GMDS: variants seen among roughly 807,000 people sequenced by gnomAD.
The protein encoded by GMDS is GDP-mannose 4,6 dehydratase.
Under a neutral mutation model 49.9 loss-of-function variants are expected in GMDS, and 20 were observed. The ratio of observed to expected loss-of-function variants is 0.40; its 90% CI spans 0.28 to 0.58. The LOEUF (loss-of-function observed/expected upper bound fraction) is 0.58, where lower values mean the gene tolerates loss of function less well. Among genes scored for constraint, GMDS ranks in the 20% least tolerant of loss-of-function variants. The pLI is 0.42. For synonymous variants in GMDS, 177 were observed against 178.6 expected, an observed-to-expected ratio of 0.99 and a Z score of 0.07; for missense variants, 362 against 481.4, an observed-to-expected ratio of 0.75 and a Z score of 2.32.
intron 6 of GMDS, among the ~76,000 whole-genome samples, chr6:1,949,864 C>T (rs79536868): frequency 0.022 from 3,415 of 152,250 alleles, 128 homozygotes; most frequent in African/African-American, 0.077. Flanking sequence ...ACTTCATCCC[C>T]TGATTTCACA....
intron 1 of GMDS, among the ~76,000 whole-genome samples, chr6:2,221,399 G>C (rs1343253879): frequency 7.2e-6 from 1 of 138,904 alleles, no homozygotes; most frequent in Non-Finnish European, 1.6e-5. Context: ...TTTTTTTTTT[G>C]AGACGGAGTC....
intron 7 of GMDS, among the ~76,000 whole-genome samples, chr6:1,758,216 C>T (rs763552011): frequency 6.6e-6 from 1 of 152,230 alleles, no homozygotes; most frequent in Non-Finnish European, 1.5e-5. Flanking sequence ...TCATTTTCTC[C>T]ACAGCACGGC....
rs538653324 is a variant in GMDS, at chr6:1,640,286, G to A, written c.988-15746C>T. 2.6e-5 allele frequency among the ~76,000 whole-genome samples: 4 copies of A among 152,280 alleles called. No homozygotes were observed. Among genetic ancestry groups the A allele is most frequent in the East Asian group, 1.9e-4 (1 of 5,178 alleles). ...CCTCTTCTTCACTGAAACTGTGCCCGTGGAGAAGCACATGGGATTTAGGGT... is the reference window on the plus strand; with the variant it reads ...CCTCTTCTTCACTGAAACTGTGCCCATGGAGAAGCACATGGGATTTAGGGT... On this transcript the variant is annotated intron_variant, in intron 9 of 10. Transcript: ENST00000380815. The surrounding 1 kb of genome is among the most constrained non-coding windows in gnomAD (Gnocchi z 4.0).
intron 7 of GMDS, among the ~76,000 whole-genome samples, chr6:1,791,879 G>C (rs1445429221): frequency 6.6e-6 from 1 of 152,052 alleles, no homozygotes; most frequent in African/African-American, 2.4e-5. Flanking sequence ...ATATTGATGA[G>C]ACTGATAATA....
rs1180795953 is a variant in GMDS, at chr6:1,623,993, G to A, written c.*176C>T. On this transcript the variant is annotated 3_prime_UTR_variant, in exon 11 of 11. Transcript: ENST00000380815. ...CCCAAACCCTGGAGGGTCACATCCC[G>A]GCTGCTACAAACCTCGGCGGGGCGG... 6.9e-6 allele frequency: 4 copies of A among 582,456 alleles called. 1 individual carries two copies. The highest frequency in any genetic ancestry group is 5.7e-5 in the East Asian group (2 of 34,816). The allele number at this position is 582,456 out of a possible 1,614,324, so 36.1% of individuals were successfully genotyped here.
intron 4 of GMDS, among the ~76,000 whole-genome samples, chr6:2,005,510 G>A (rs1314595777): frequency 6.6e-6 from 1 of 152,162 alleles, no homozygotes; most frequent in Admixed American, 6.5e-5. Flanking sequence ...AACAGTTTTC[G>A]TTTCTGCTGG....
intron 7 of GMDS, among the ~76,000 whole-genome samples, chr6:1,784,398 A>AAAAAG (rs1197174218): frequency 6.7e-6 from 1 of 150,148 alleles, no homozygotes; most frequent in East Asian, 2.0e-4. Flanking sequence ...CTCAAAAAAA[A>AAAAAG]AAAAAAAAAA....
intron 2 of GMDS, among the ~76,000 whole-genome samples, chr6:2,117,847 T>TACA (rs1774931503): frequency 6.6e-6 from 1 of 152,154 alleles, no homozygotes; most frequent in African/African-American, 2.4e-5. Context: ...CACACACACT[T>TACA]ACAGCCTAAC....
intron 7 of GMDS, among the ~76,000 whole-genome samples, chr6:1,913,800 A>G (rs982113079): frequency 2.6e-5 from 4 of 152,166 alleles, no homozygotes; most frequent in Admixed American, 1.3e-4. Flanking sequence ...TGCTGAGGGA[A>G]GCACTTTTTT....
intron 1 of GMDS, among the ~76,000 whole-genome samples, chr6:2,244,303 C>T (rs995380875): frequency 6.6e-6 from 1 of 152,066 alleles, no homozygotes; most frequent in Non-Finnish European, 1.5e-5. Context: ...AATAAAAGTA[C>T]CTCCTCAAAG....
intron 7 of GMDS, among the ~76,000 whole-genome samples, chr6:1,785,543 C>T (rs1442724944): frequency 6.6e-6 from 1 of 152,202 alleles, no homozygotes; most frequent in East Asian, 1.9e-4. Flanking sequence ...TTCTACGCAG[C>T]CCTCGCCACG....
chr6:1,669,487 T>C (rs1438516852), intron 9 of GMDS, among the ~76,000 whole-genome samples: 2 of 152,212 alleles, frequency 1.3e-5, no homozygotes, highest in African/African-American at 4.8e-5. Context: ...GACACCTTCC[T>C]ATGTCATGTA....
chr6:1,630,148 T>C (rs1385925595), intron 9 of GMDS, among the ~76,000 whole-genome samples: 1 of 152,234 alleles, frequency 6.6e-6, no homozygotes, highest in African/African-American at 2.4e-5. Context: ...GCTCATAAGC[T>C]ACACAGACAA....
chr6:2,170,596 C>T (rs1777948182), intron 1 of GMDS, among the ~76,000 whole-genome samples: 2 of 151,686 alleles, frequency 1.3e-5, no homozygotes, highest in East Asian at 3.9e-4. Context: ...CACTGCATTC[C>T]AGCCTGGGTG....
intron 1 of GMDS, among the ~76,000 whole-genome samples, chr6:2,204,909 T>C (rs996463075): frequency 3.3e-5 from 5 of 152,354 alleles, no homozygotes; most frequent in African/African-American, 9.6e-5. Context: ...TCCTACATAA[T>C]TACCATAATG....
chr6:1,916,280 A>C (rs1761390236), intron 7 of GMDS, among the ~76,000 whole-genome samples: 1 of 152,116 alleles, frequency 6.6e-6, no homozygotes, highest in African/African-American at 2.4e-5. Context: ...GGTGCAGCTG[A>C]AGGAAAATGG....
intron 4 of GMDS, 59 bp from the exon 5 acceptor site, chr6:1,961,025 T>A (rs985620221): frequency 2.0e-5 from 20 of 1,008,608 alleles, no homozygotes; most frequent in Non-Finnish European, 2.6e-5. Flanking sequence ...AAAGGTGCTG[T>A]CAGCAGGAAC....
intron 6 of GMDS, among the ~76,000 whole-genome samples, chr6:1,954,322 C>T (rs192018286): frequency 5.3e-5 from 8 of 152,352 alleles, no homozygotes; most frequent in Admixed American, 3.3e-4. Context: ...GCCTCAGTGT[C>T]GATGGCTGCT....
intron 7 of GMDS, among the ~76,000 whole-genome samples, chr6:1,750,579 T>C (rs1435207189): frequency 1.3e-5 from 2 of 152,176 alleles, no homozygotes; most frequent in Non-Finnish European, 2.9e-5. Flanking sequence ...CCATGGTCTT[T>C]GCAACCCACA....
Sources: gnomAD v4.1 joint callset for allele counts (sites outside exome capture counted in the v4.1 genomes callset) on GRCh38, gnomAD v4.1.1 for gene constraint, Gnocchi (gnomAD v3.1) non-coding constraint, MANE v1.5 for transcripts, NCBI Gene and HGNC (gene_info 2026-07-23, HGNC 2026-07-21) for gene names.